ABCC6: variants seen among roughly 807,000 people sequenced by gnomAD.
ABCC6 encodes the protein ATP-binding cassette sub-family C member 6.
In ABCC6, 126 loss-of-function variants were observed where a neutral mutation model predicts 169.5. The observed-to-expected ratio is 0.74, with a 90% confidence interval of 0.64 to 0.86. The LOEUF (loss-of-function observed/expected upper bound fraction) is 0.86, where lower values mean the gene tolerates loss of function less well. ABCC6 is among the 40% of genes least tolerant of loss of function. The pLI, the probability that ABCC6 is intolerant of heterozygous loss-of-function variation, is 0.00. For synonymous variants in ABCC6, 752 were observed against 814.7 expected, an observed-to-expected ratio of 0.92 and a Z score of 1.31; for missense variants, 1,733 against 1,927.2, an observed-to-expected ratio of 0.90 and a Z score of 1.89.
intron 29 of ABCC6, among the ~76,000 whole-genome samples, chr16:16,151,401 C>T (rs979364693): frequency 1.3e-5 from 2 of 152,188 alleles, no homozygotes; most frequent in Non-Finnish European, 2.9e-5. Context: ...ATACTATTTT[C>T]CATAGTGACT....
At chr16:16,216,153 C>T (rs2048864368) in intron 4 of ABCC6, among the ~76,000 whole-genome samples, 3 of 152,140 alleles carry the variant, frequency 2.0e-5, no homozygotes, top group Admixed American at 6.5e-5. Context: ...AACTCCTGAC[C>T]TCAGATGATC....
At chr16:16,199,207 C>G (rs2048158131) in intron 9 of ABCC6, among the ~76,000 whole-genome samples, 3 of 148,848 alleles carry the variant, frequency 2.0e-5, no homozygotes, top group African/African-American at 7.4e-5. Context: ...CTATTATTCT[C>G]TCACCAAGGA....
In ABCC6 at chr16:16,188,758, G is replaced by C. The variant is rs1007533678; in HGVS notation, c.1779+73C>G. 66 of 1,540,872 alleles carry C rather than the reference G, an allele frequency of 4.3e-5. 1 individual carries two copies. The highest frequency in any genetic ancestry group is 5.4e-5 in the Non-Finnish European group (61 of 1,133,558). On this transcript the variant is annotated intron_variant, in intron 13 of 30. Transcript: ENST00000205557. ...CTTCCCTCTCCTCTGCAAATGGCAG[G>C]GGTAGGGAAGCTGGAGCCAGGTGTA...
intron 5 of ABCC6, 107 bp from the exon 6 acceptor site, chr16:16,212,353 G>C (rs561729248): frequency 1.0e-5 from 9 of 901,368 alleles, no homozygotes; most frequent in East Asian, 2.5e-5. Flanking sequence ...CTGTTGCCCA[G>C]GCCAGAGTAC....
chr16:16,220,065 T>A, intron 2 of ABCC6, 118 bp from the exon 3 acceptor site: 1 of 1,180,472 alleles, frequency 8.5e-7, no homozygotes. Flanking sequence ...ATACTGAGTA[T>A]ACCAGGGTCA....
At chr16:16,158,395 A>G (rs973870611) in intron 26 of ABCC6, among the ~76,000 whole-genome samples, 3 of 151,472 alleles carry the variant, frequency 2.0e-5, no homozygotes, top group Admixed American at 2.0e-4. Context: ...TCATCCATCC[A>G]TCTCTTATCC....
At chr16:16,174,032 TTATC>T (rs1271734771) in intron 20 of ABCC6, among the ~76,000 whole-genome samples, 25 of 152,186 alleles carry the variant, frequency 1.6e-4, no homozygotes, top group African/African-American at 4.8e-4. Context: ...AATAGGAATA[TTATC>T]TATCTATCCA....
Position 16,165,652 on chromosome 16 carries a change from G to A in ABCC6, c.3277C>T (p.Pro1093Ser). 1 of 1,612,688 alleles carries A rather than the reference G, an allele frequency of 6.2e-7. No homozygotes were observed. The highest frequency in any genetic ancestry group is 8.5e-7 in the Non-Finnish European group (1 of 1,179,990). The change falls in exon 23 of 31, where the codon CCA becomes TCA. Residue 1093 changes from proline (P) to serine (S), a missense_variant. Coordinates refer to ENST00000205557, the MANE Select transcript of ABCC6 (RefSeq NM_001171.6). ...AACCCAGCGTAGAGGAGAAACAGTG[G>A]CAGGATGGCCACAGTGGCCAGTGGG... ...ATPLATVAIL[P>S]LFLLYAGFQS...
intron 18 of ABCC6, among the ~76,000 whole-genome samples, chr16:16,177,886 T>C (rs2047334131): frequency 6.6e-6 from 1 of 151,316 alleles, no homozygotes; most frequent in Non-Finnish European, 1.5e-5. Context: ...GAGCTTGCAG[T>C]GAGGCGAGAT....
intron 21 of ABCC6, among the ~76,000 whole-genome samples, chr16:16,170,933 AAAAAAAAAGAAAGAAAG>A (rs1175851809): frequency 2.3e-5 from 3 of 132,118 alleles, no homozygotes; most frequent in African/African-American, 5.6e-5. Flanking sequence ...AAAAAAAAAA[AAAAAAAAAGAAAGAAAG>A]AAAGAAAGAA....
intron 5 of ABCC6, 56 bp downstream of exon 5, chr16:16,214,268 G>C (rs572337228): frequency 3.7e-4 from 569 of 1,545,810 alleles, no homozygotes; most frequent in Non-Finnish European, 4.1e-4. Flanking sequence ...TGGTCACCTG[G>C]GGGAGACTGA....
rs2047604542 is a variant in ABCC6, at chr16:16,185,045, C to T, written c.1868-11G>A. On this transcript the variant is annotated splice_polypyrimidine_tract_variant and intron_variant, in intron 14 of 30. Transcript: ENST00000205557. ...AATCCTTCCCGGCAGCTGCAGGGCA[C>T]AAGAGGCCATTTACAGGAGACCCCT... 6.2e-7 allele frequency: 1 copy of T among 1,612,000 alleles called. No individual in the cohort carries two copies. Among genetic ancestry groups the T allele is most frequent in the Non-Finnish European group, 8.5e-7 (1 of 1,178,038 alleles).
chr16:16,151,264 G>C (rs986240404), intron 29 of ABCC6, among the ~76,000 whole-genome samples: 2 of 152,136 alleles, frequency 1.3e-5, no homozygotes, highest in Non-Finnish European at 2.9e-5. Context: ...GTTTCACCAT[G>C]TTGGTCCGAC....
In ABCC6 at chr16:16,190,321, G is replaced by T. The variant is rs752237181; in HGVS notation, c.1478C>A (p.Ser493Tyr). 6.2e-7 allele frequency: 1 copy of T among 1,614,208 alleles called. No individual in the cohort carries two copies. ...GATGGTCTTCGAGTTCCTGAGGATAGAGCTGGTGAGCCGTGCCCGTGAGTC... is the reference window on the plus strand; with the variant it reads ...GATGGTCTTCGAGTTCCTGAGGATATAGCTGGTGAGCCGTGCCCGTGAGTC... ...QKDSRARLTS[S>Y]ILRNSKTIKF... The change falls in exon 12 of 31, where the codon TCT (serine) becomes TAT (tyrosine). Residue 493 changes from serine to tyrosine, a missense_variant. Ser to Tyr is a moderately radical substitution (Grantham distance 144, BLOSUM62 -2). Around this residue, in one of 5 missense-constraint regions of ABCC6, gnomAD observed 1,601 missense variants for 1,635.5 expected, o/e 0.98. Transcript: ENST00000205557.
chr16:16,174,527 C>A (rs916878109), intron 20 of ABCC6, among the ~76,000 whole-genome samples: 6 of 152,000 alleles, frequency 3.9e-5, no homozygotes, highest in African/African-American at 1.4e-4. Flanking sequence ...GAGGCTGAGG[C>A]AGGTGGAACA....
At chr16:16,204,080 G>A (rs372104698) in intron 7 of ABCC6, among the ~76,000 whole-genome samples, 6 of 149,614 alleles carry the variant, frequency 4.0e-5, no homozygotes, top group African/African-American at 7.4e-5. Flanking sequence ...TTTTTGAGAC[G>A]AAGTCTTGCT....
chr16:16,180,073 G>A (rs1567499736), intron 17 of ABCC6, among the ~76,000 whole-genome samples: 1 of 152,210 alleles, frequency 6.6e-6, no homozygotes, highest in African/African-American at 2.4e-5. Context: ...AGTAGGGTTT[G>A]TGCTCCTATG....
In ABCC6 at chr16:16,161,566, T is replaced by C. The variant is rs1423674851; in HGVS notation, c.3507-2A>G. On this transcript the variant is annotated splice_acceptor_variant, in intron 24 of 30. Coordinates refer to ENST00000205557, the MANE Select transcript of ABCC6 (RefSeq NM_001171.6). LOFTEE classifies it high-confidence loss of function. ...AGCTCCACATTGGCCGCAAGCCACC[T>C]GCAAAGGGAAGCGACAGCAGGGTGA... 2 of 1,613,868 alleles carry C rather than the reference T, an allele frequency of 1.2e-6. No individual in the cohort carries two copies. The highest frequency in any genetic ancestry group is 1.7e-6 in the Non-Finnish European group (2 of 1,180,018).
intron 20 of ABCC6, among the ~76,000 whole-genome samples, chr16:16,175,038 C>A (rs919975701): frequency 6.6e-6 from 1 of 151,914 alleles, no homozygotes; most frequent in Admixed American, 6.6e-5. Context: ...TTCAGTTTCC[C>A]AAAGTGCTGG....
Sources: gnomAD v4.1 joint callset for allele counts (sites outside exome capture counted in the v4.1 genomes callset) on GRCh38, gnomAD v4.1.1 for gene constraint, gnomAD v4.1.1 regional missense constraint, MANE v1.5 for transcripts, NCBI Gene and HGNC (gene_info 2026-07-23, HGNC 2026-07-21) for gene names.